ZNF532: variants seen among roughly 807,000 people sequenced by gnomAD.
ZNF532 encodes zinc finger protein 532.
ZNF532 carries 22 observed loss-of-function variants against 89.3 expected under a neutral mutation model. That is an observed-to-expected ratio of 0.25 (90% CI 0.18 to 0.35). The LOEUF is 0.35. Among genes scored for constraint, ZNF532 ranks in the 10% least tolerant of loss-of-function variants. ZNF532 has a pLI of 1.00. For synonymous variants in ZNF532, 606 were observed against 649.6 expected (o/e 0.93, Z 1.02); for missense variants, 1,132 against 1,643.4 (o/e 0.69, Z 5.38).
chr18:58,951,645 T>TTTTTTTTTTG (rs2064169635), intron 6 of ZNF532, among the ~76,000 whole-genome samples: 12 of 88,932 alleles, frequency 1.3e-4, no homozygotes, highest in East Asian at 3.5e-4. Context: ...CTCGCCCTGT[T>TTTTTTTTTTG]GTTTTTTTTT....
chr18:58,872,567 C>T (rs538250191), intron 2 of ZNF532, among the ~76,000 whole-genome samples: 2 of 152,170 alleles, frequency 1.3e-5, no homozygotes, highest in Non-Finnish European at 2.9e-5. Flanking sequence ...ATCTCATTTT[C>T]TACAGTGAGC....
At position 58,932,747 on chromosome 18, in the gene ZNF532, C is replaced by T. The variant is rs78985110; in HGVS notation, c.2347-1686C>T. On this transcript the variant is annotated intron_variant, in intron 3 of 9. Coordinates refer to ENST00000591808, the MANE Select transcript of ZNF532 (RefSeq NM_001375912.1). ...GAGAATTAAATGAGATGATGTACTT[C>T]AATTTACTTAATGTATTTAAAATAC... Among the ~76,000 whole-genome samples the T allele has an allele frequency of 5.0e-3, 756 of 152,208 alleles. 7 individuals carry two copies. Among genetic ancestry groups the T allele is most frequent in the African/African-American group, 0.017 (687 of 41,508 alleles).
intron 2 of ZNF532, among the ~76,000 whole-genome samples, chr18:58,870,507 C>T (rs1049898018): frequency 2.0e-5 from 3 of 152,100 alleles, no homozygotes; most frequent in African/African-American, 7.2e-5. Context: ...AGCTGGAAGG[C>T]AGTTGAGGGT....
rs59118998 is a variant in ZNF532, at chr18:58,869,762, GTTTTTTTTTT to G, written c.-18+4195_-18+4204del. On this transcript the variant is annotated intron_variant, in intron 2 of 9. Transcript: ENST00000591808. The stretch of plus-strand genomic sequence containing the variant: ...TTGTTTGGAAGATTTTGGAAGATCT[GTTTTTTTTTT>G]TTTTTTTTTTTGGAGTTGGAGTCTC... Among the ~76,000 whole-genome samples the G allele has an allele frequency of 3.6e-5, 4 of 111,518 alleles. No homozygotes were observed. In the South Asian group the frequency reaches 1.3e-3, roughly 35 times the overall value. The allele number at this position is 111,518 out of a possible 152,430, so 73.2% of individuals were successfully genotyped here. A position where few individuals can be genotyped will look rare whatever the true frequency, so the allele number is the denominator to read the frequency against.
At chr18:58,976,905 A>T (rs1360949244) in intron 7 of ZNF532, among the ~76,000 whole-genome samples, 1 of 152,212 alleles carries the variant, frequency 6.6e-6, no homozygotes, top group East Asian at 1.9e-4. Context: ...GTTGTTCATG[A>T]CTTTAAAGCT....
intron 2 of ZNF532, among the ~76,000 whole-genome samples, chr18:58,897,131 G>A (rs868696691): frequency 6.6e-6 from 1 of 152,058 alleles, no homozygotes; most frequent in Non-Finnish European, 1.5e-5. Flanking sequence ...GGTTAGCAGG[G>A]GTGGGGGGGA....
intron 2 of ZNF532, among the ~76,000 whole-genome samples, chr18:58,917,287 G>A (rs953014191): frequency 6.6e-6 from 1 of 152,198 alleles, no homozygotes; most frequent in Non-Finnish European, 1.5e-5. Flanking sequence ...GCCTGTCTTG[G>A]TGTTGCGTTA....
chr18:58,866,238 C>G (rs1352497488), intron 2 of ZNF532, among the ~76,000 whole-genome samples: 1 of 152,192 alleles, frequency 6.6e-6, no homozygotes, highest in African/African-American at 2.4e-5. Context: ...CAAAGCTGTA[C>G]TGGAATGGGT....
chr18:58,950,205 C>T (rs1249736429), intron 6 of ZNF532, among the ~76,000 whole-genome samples: 9 of 152,260 alleles, frequency 5.9e-5, no homozygotes, highest in Middle Eastern at 3.4e-3. Flanking sequence ...GTCGGGTCAT[C>T]GACTTTGTGG....
chr18:58,905,274 G>A (rs1042227152), intron 2 of ZNF532, among the ~76,000 whole-genome samples: 1 of 152,126 alleles, frequency 6.6e-6, no homozygotes, highest in Admixed American at 6.5e-5. Context: ...AACACTGTAC[G>A]AATTACTTCT....
At chr18:58,903,776 GA>G (rs1287381807) in intron 2 of ZNF532, among the ~76,000 whole-genome samples, 1 of 152,182 alleles carries the variant, frequency 6.6e-6, no homozygotes, top group African/African-American at 2.4e-5. Flanking sequence ...GATATCTCAA[GA>G]AAAACAAAAA....
intron 6 of ZNF532, among the ~76,000 whole-genome samples, chr18:58,951,019 T>A (rs2064110061): frequency 6.6e-6 from 1 of 151,706 alleles, no homozygotes; most frequent in South Asian, 2.1e-4. Context: ...TACAGTGGCA[T>A]ATCAGGGCTC....
intron 2 of ZNF532, among the ~76,000 whole-genome samples, chr18:58,881,969 AT>A (rs1187122738): frequency 6.6e-6 from 1 of 151,874 alleles, no homozygotes; most frequent in African/African-American, 2.4e-5. Context: ...TTTATTTTTT[AT>A]TTTTTGAGAC....
intron 2 of ZNF532, among the ~76,000 whole-genome samples, chr18:58,874,545 A>G (rs2057278799): frequency 6.6e-6 from 1 of 152,078 alleles, no homozygotes; most frequent in African/African-American, 2.4e-5. Flanking sequence ...GGGTTTCACC[A>G]TGTCAGGCTG....
intron 2 of ZNF532, among the ~76,000 whole-genome samples, chr18:58,865,872 C>T (rs1277289157): frequency 6.6e-6 from 1 of 152,180 alleles, no homozygotes; most frequent in Non-Finnish European, 1.5e-5. Context: ...GGAGAATGTG[C>T]TGTTTTGCAT....
At chr18:58,890,747 C>A (rs537490942) in intron 2 of ZNF532, among the ~76,000 whole-genome samples, 34 of 152,110 alleles carry the variant, frequency 2.2e-4, no homozygotes, top group African/African-American at 8.0e-4. Flanking sequence ...CCTCTAGCTT[C>A]TTCTTCCTCC....
At chr18:58,982,495 C>T (rs571596419) in intron 9 of ZNF532, among the ~76,000 whole-genome samples, 1 of 151,902 alleles carries the variant, frequency 6.6e-6, no homozygotes, top group African/African-American at 2.4e-5. Flanking sequence ...GTGGTGCACA[C>T]CTGTAATCTC....
intron 2 of ZNF532, among the ~76,000 whole-genome samples, chr18:58,878,057 C>A (rs2057578705): frequency 6.6e-6 from 1 of 152,004 alleles, no homozygotes; most frequent in South Asian, 2.1e-4. Context: ...GAGTTCGAGA[C>A]CAGTCTGGCC....
chr18:58,938,012 T>A (rs1184733352), intron 4 of ZNF532, among the ~76,000 whole-genome samples: 1 of 152,260 alleles, frequency 6.6e-6, no homozygotes, highest in Non-Finnish European at 1.5e-5. Flanking sequence ...GCGTTAGTTA[T>A]GATTTTAACA....
Sources: gnomAD v4.1 joint callset for allele counts (sites outside exome capture counted in the v4.1 genomes callset) on GRCh38, gnomAD v4.1.1 for gene constraint, MANE v1.5 for transcripts, NCBI Gene and HGNC (gene_info 2026-07-23, HGNC 2026-07-21) for gene names.